The following MIPOL1 variants were observed in gnomAD, a reference collection of about 807,000 sequenced individuals.
MIPOL1 encodes the protein mirror-image polydactyly gene 1 protein.
MIPOL1 carries 57 observed loss-of-function variants against 60.9 expected under a neutral mutation model. The observed-to-expected ratio is 0.94, with a 90% CI of 0.76 to 1.17. The LOEUF (loss-of-function observed/expected upper bound fraction) is 1.17, where lower values mean the gene tolerates loss of function less well. MIPOL1 is among the 50% of genes most tolerant of loss of function. The pLI is 0.00. For missense variants in MIPOL1, 551 were observed against 511.6 expected (o/e 1.08, Z -0.74); for synonymous variants, 179 against 168.8 (o/e 1.06, Z -0.47).
intron 12 of MIPOL1, among the ~76,000 whole-genome samples, chr14:37,544,996 C>G (rs2153643516): frequency 6.6e-6 from 1 of 152,270 alleles, no homozygotes; most frequent in South Asian, 2.1e-4. Context: ...TGGGATTCCA[C>G]TGATTCTGAA....
At chr14:37,235,700 T>G (rs1331285548) in intron 1 of MIPOL1, among the ~76,000 whole-genome samples, 1 of 152,102 alleles carries the variant, frequency 6.6e-6, no homozygotes, top group Non-Finnish European at 1.5e-5. Context: ...GAACTTTTCA[T>G]CATCTCAAGC....
chr14:37,422,165 C>T (rs1702839606), intron 10 of MIPOL1, among the ~76,000 whole-genome samples: 2 of 151,982 alleles, frequency 1.3e-5, no homozygotes, highest in Middle Eastern at 3.4e-3. Context: ...TAAATTACTA[C>T]GTTGAACCTC....
At chr14:37,498,282 C>A (rs2095163574) in intron 11 of MIPOL1, among the ~76,000 whole-genome samples, 1 of 152,066 alleles carries the variant, frequency 6.6e-6, no homozygotes, top group Non-Finnish European at 1.5e-5. Flanking sequence ...AAGCTGAATA[C>A]TTTGTATATA....
At chr14:37,343,778 G>A (rs1490961550) in intron 9 of MIPOL1, among the ~76,000 whole-genome samples, 1 of 152,112 alleles carries the variant, frequency 6.6e-6, no homozygotes, top group Non-Finnish European at 1.5e-5. Flanking sequence ...GGAAATTGCA[G>A]ATCATATAGT....
In MIPOL1 at chr14:37,256,838, T is replaced by C. The variant is rs143063351; in HGVS notation, c.19+8931T>C. ...CCCTTTATTATTTTTTTAAAAAGTC[T>C]CTGCCCCTCCCCCAAGTCATTTGAA... On this transcript the variant is annotated intron_variant, in intron 3 of 12. Transcript: ENST00000684589. 3.2e-3 allele frequency among the ~76,000 whole-genome samples: 490 copies of C among 152,084 alleles called. 3 individuals carry two copies. Among genetic ancestry groups the C allele is most frequent in the Middle Eastern group, 0.01 (3 of 294 alleles).
At chr14:37,414,659 A>T (rs2093733856) in intron 10 of MIPOL1, among the ~76,000 whole-genome samples, 1 of 152,148 alleles carries the variant, frequency 6.6e-6, no homozygotes, top group South Asian at 2.1e-4. Context: ...GCTGATATAG[A>T]AGCACAATTA....
intron 11 of MIPOL1, among the ~76,000 whole-genome samples, chr14:37,446,137 A>G (rs1056804128): frequency 2.6e-5 from 4 of 152,188 alleles, no homozygotes; most frequent in African/African-American, 7.2e-5. Context: ...TGAACAGGCA[A>G]CCTACAAAAT....
intron 9 of MIPOL1, among the ~76,000 whole-genome samples, chr14:37,313,585 A>G (rs2087576595): frequency 6.6e-6 from 1 of 152,126 alleles, no homozygotes; most frequent in Non-Finnish European, 1.5e-5. Context: ...CTTTAACCAC[A>G]TGGACCACTC....
At chr14:37,207,875 A>C (rs935990814) in intron 1 of MIPOL1, among the ~76,000 whole-genome samples, 2 of 152,006 alleles carry the variant, frequency 1.3e-5, no homozygotes, top group African/African-American at 4.8e-5. Context: ...ATCTTGAAAA[A>C]CCAATTATTA....
intron 11 of MIPOL1, among the ~76,000 whole-genome samples, chr14:37,448,498 C>T (rs1254015247): frequency 6.6e-6 from 1 of 152,116 alleles, no homozygotes; most frequent in East Asian, 1.9e-4. Flanking sequence ...TTTTTGCTTG[C>T]CAAACTATAT....
chr14:37,266,890 A>C, intron 3 of MIPOL1, 48 bp from the exon 4 acceptor site: 1 of 1,208,582 alleles, frequency 8.3e-7, no homozygotes, highest in South Asian at 1.3e-5. Flanking sequence ...TTTAATATGC[A>C]GTTATGGTGT....
At chr14:37,255,366 T>C (rs1210527118) in intron 3 of MIPOL1, among the ~76,000 whole-genome samples, 1 of 151,782 alleles carries the variant, frequency 6.6e-6, no homozygotes, top group African/African-American at 2.4e-5. Context: ...AGGTTGACTA[T>C]AGGGTAGGAC....
chr14:37,270,571 A>G, intron 6 of MIPOL1, 46 bp downstream of exon 6: 2 of 1,004,474 alleles, frequency 2.0e-6, no homozygotes, highest in South Asian at 1.9e-5. Flanking sequence ...ATCACACACA[A>G]GGTTATTATA....
intron 6 of MIPOL1, among the ~76,000 whole-genome samples, chr14:37,276,129 A>C (rs193285767): frequency 2.0e-5 from 3 of 151,060 alleles, no homozygotes; most frequent in Non-Finnish European, 4.5e-5. Flanking sequence ...TATCTAATCT[A>C]TCTTACTGCA....
intron 10 of MIPOL1, among the ~76,000 whole-genome samples, chr14:37,379,563 A>G (rs1290147939): frequency 6.6e-6 from 1 of 152,126 alleles, no homozygotes; most frequent in Non-Finnish European, 1.5e-5. Context: ...CAAATCATAT[A>G]TCTGGCAAGG....
At chr14:37,294,395 A>G (rs1478674588) in intron 7 of MIPOL1, among the ~76,000 whole-genome samples, 1 of 152,224 alleles carries the variant, frequency 6.6e-6, no homozygotes, top group African/African-American at 2.4e-5. Context: ...TCTAAAAATC[A>G]GAGCGCCTCT....
intron 1 of MIPOL1, among the ~76,000 whole-genome samples, chr14:37,200,850 ATGTGTGTGTGTGTGTGTGTGTGTGTGTG>A (rs56965903): frequency 2.3e-5 from 2 of 87,032 alleles, no homozygotes; most frequent in South Asian, 4.3e-4. Flanking sequence ...ATATCTATCT[ATGTGTGTGTGTGTGTGTGTGTGTGTGTG>A]TGTGTGTGTG....
chr14:37,481,867 G>C (rs1029786121), intron 11 of MIPOL1, among the ~76,000 whole-genome samples: 3 of 152,124 alleles, frequency 2.0e-5, no homozygotes, highest in African/African-American at 7.2e-5. Flanking sequence ...ATAATGCTTA[G>C]AAAACTTGAT....
At chr14:37,447,971 G>T (rs1032407199) in intron 11 of MIPOL1, among the ~76,000 whole-genome samples, 3 of 152,088 alleles carry the variant, frequency 2.0e-5, no homozygotes, top group Non-Finnish European at 4.4e-5. Context: ...AGCAAGATTG[G>T]AGCCAAAGTT....
Sources: allele counts gnomAD v4.1 joint callset (sites outside exome capture counted in the v4.1 genomes callset), GRCh38; gene constraint gnomAD v4.1.1; transcripts MANE v1.5; gene names NCBI Gene and HGNC (gene_info 2026-07-23, HGNC 2026-07-21).